The following CSMD1 variants were observed in gnomAD, a reference collection of about 807,000 sequenced individuals.
CSMD1 encodes CUB and sushi domain-containing protein 1.
In CSMD1, 213 loss-of-function variants were observed where a neutral mutation model predicts 417.5. The ratio of observed to expected loss-of-function variants is 0.51; its 90% CI spans 0.46 to 0.57. The LOEUF (loss-of-function observed/expected upper bound fraction) is 0.57, where lower values mean the gene tolerates loss of function less well. CSMD1 is among the 20% of genes least tolerant of loss of function. CSMD1 has a pLI of 0.00. For missense variants in CSMD1, 6,923 were observed against 4,529.7 expected (o/e 1.53, Z -15.17); for synonymous variants, 2,862 against 1,736.8 (o/e 1.65, Z -16.11).
At chr8:4,745,759 C>G (rs1210994799) in intron 1 of CSMD1, among the ~76,000 whole-genome samples, 1 of 152,158 alleles carries the variant, frequency 6.6e-6, no homozygotes, top group Non-Finnish European at 1.5e-5. Flanking sequence ...ATATTTAAAT[C>G]TATAGGAACA....
At chr8:4,958,936 C>A (rs1470498620) in intron 1 of CSMD1, among the ~76,000 whole-genome samples, 1 of 152,084 alleles carries the variant, frequency 6.6e-6, no homozygotes, top group African/African-American at 2.4e-5. Flanking sequence ...TAAGCAGCTG[C>A]CTTTGCTTCC....
At chr8:3,873,131 G>A (rs1805592668) in intron 5 of CSMD1, among the ~76,000 whole-genome samples, 2 of 151,996 alleles carry the variant, frequency 1.3e-5, no homozygotes, top group Non-Finnish European at 1.5e-5. Context: ...CAACTATTGA[G>A]GAAACTAGTA....
At chr8:4,121,093 T>C (rs948466174) in intron 3 of CSMD1, among the ~76,000 whole-genome samples, 3 of 151,784 alleles carry the variant, frequency 2.0e-5, no homozygotes, top group African/African-American at 7.2e-5. Context: ...ATTTTTATTT[T>C]ATTTTTTATT....
chr8:4,234,647 T>C (rs945893801), intron 3 of CSMD1, among the ~76,000 whole-genome samples: 17 of 152,184 alleles, frequency 1.1e-4, no homozygotes. Context: ...AGATTGCACC[T>C]GACGAATAGA....
intron 29 of CSMD1, among the ~76,000 whole-genome samples, chr8:3,217,531 T>C (rs1167814791): frequency 1.3e-5 from 2 of 152,128 alleles, no homozygotes; most frequent in Non-Finnish European, 2.9e-5. Context: ...CTGCATGATT[T>C]TGTTGGGGGC....
At position 2,950,218 on chromosome 8, in the gene CSMD1, C is replaced by A. The variant is rs776372320; in HGVS notation, c.10314+13G>T. ...AGCCTGTGCTTTGTCACAGACCTTA[C>A]ACATGTACTTACATAACCATCTAGT... is the stretch of plus-strand genomic sequence containing the variant. On this transcript the variant is annotated intron_variant, in intron 67 of 69. Transcript: ENST00000635120. 26 of 1,490,212 alleles carry A rather than the reference C, an allele frequency of 1.7e-5. No individual in the cohort carries two copies. Among genetic ancestry groups the A allele is most frequent in the Non-Finnish European group, 2.2e-5 (23 of 1,067,482 alleles). 92.3% of individuals were successfully genotyped at this position (1,490,212 alleles called of 1,614,324 possible). A position where few individuals can be genotyped will look rare whatever the true frequency, so the allele number is the denominator to read the frequency against.
chr8:3,869,263 C>T (rs1363674651), intron 5 of CSMD1, among the ~76,000 whole-genome samples: 2 of 152,292 alleles, frequency 1.3e-5, no homozygotes, highest in African/African-American at 4.8e-5. Context: ...TCAAGGGTCT[C>T]TTTCTCAAAT....
rs116055000 is a variant in CSMD1 at position 4,959,055 on chromosome 8, C to G, written c.85+35277G>C. On this transcript the variant is annotated intron_variant, in intron 1 of 69. Coordinates refer to ENST00000635120, the MANE Select transcript of CSMD1 (RefSeq NM_033225.6). ...AGCCATGCTATATAGTATATGTCAT[C>G]AAATGGAAGATGATTTCATCTAGAG... Among the ~76,000 whole-genome samples the G allele has an allele frequency of 2.0e-3, 308 of 152,152 alleles. 3 individuals are homozygous for G. Among genetic ancestry groups the G allele is most frequent in the African/African-American group, 7.1e-3 (294 of 41,522 alleles).
Position 3,075,943 on chromosome 8 carries a change from A to T in CSMD1, c.7474+11154T>A, listed in dbSNP as rs1017165022. 2.4e-4 allele frequency among the ~76,000 whole-genome samples: 37 copies of T among 151,222 alleles called. No individual in the cohort carries two copies. In the South Asian group the frequency reaches 4.6e-3, roughly 19 times the overall value. On this transcript the variant is annotated intron_variant, in intron 49 of 69. Coordinates refer to ENST00000635120, the MANE Select transcript of CSMD1 (RefSeq NM_033225.6). ...GCGGGCGCCTGTAGTCCCAGCTCCTAGGGACGCTGAGGCAGGAGAATGGCA... is the reference window on the plus strand; with the variant it reads ...GCGGGCGCCTGTAGTCCCAGCTCCTTGGGACGCTGAGGCAGGAGAATGGCA...
At chr8:3,321,584 G>T (rs879145061) in intron 23 of CSMD1, among the ~76,000 whole-genome samples, 1 of 152,152 alleles carries the variant, frequency 6.6e-6, no homozygotes, top group Non-Finnish European at 1.5e-5. Context: ...GTAGCCCAGA[G>T]AACATGCATT....
At chr8:4,464,932 A>G (rs9314531) in intron 2 of CSMD1, among the ~76,000 whole-genome samples, 49,970 of 152,034 alleles carry the variant, frequency 0.33, 8,745 homozygotes, top group Middle Eastern at 0.43. Context: ...GCACGAAGCC[A>G]TATTCAAACC....
chr8:3,189,065 T>G (rs1166025749), intron 34 of CSMD1, 54 bp from the exon 35 acceptor site: 1 of 1,525,834 alleles, frequency 6.6e-7, no homozygotes, highest in East Asian at 2.3e-5. Flanking sequence ...CAGTGTTGAT[T>G]TGGCATGCAG....
intron 5 of CSMD1, among the ~76,000 whole-genome samples, chr8:3,813,512 G>A (rs144889504): frequency 1.1e-3 from 170 of 152,232 alleles, no homozygotes; most frequent in Admixed American, 0.011. Flanking sequence ...GGGCTGGCGT[G>A]AATATGAAGA....
chr8:4,772,498 T>C (rs1796652031), intron 1 of CSMD1, among the ~76,000 whole-genome samples: 1 of 152,176 alleles, frequency 6.6e-6, no homozygotes, highest in African/African-American at 2.4e-5. Context: ...TAATATAACA[T>C]TCACAGGATC....
At position 4,519,975 on chromosome 8, in the gene CSMD1, A is replaced by G. The variant is rs148300005; in HGVS notation, c.303-99910T>C. On this transcript the variant is annotated intron_variant, in intron 2 of 69. Coordinates refer to ENST00000635120, the MANE Select transcript of CSMD1 (RefSeq NM_033225.6). ...TGTGTGTGGTGTGTATACATTTTTC[A>G]TTCAACCAAAGGTTATCAGAGAAAT... is the stretch of plus-strand genomic sequence containing the variant. Among the ~76,000 whole-genome samples the G allele has an allele frequency of 1.5e-3, 229 of 150,116 alleles. 1 individual carries two copies. Among genetic ancestry groups the G allele is most frequent in the African/African-American group, 5.4e-3 (222 of 40,996 alleles).
At chr8:4,737,959 G>A (rs187189478) in intron 1 of CSMD1, among the ~76,000 whole-genome samples, 1 of 152,166 alleles carries the variant, frequency 6.6e-6, no homozygotes, top group Non-Finnish European at 1.5e-5. Flanking sequence ...TTAATTTTCA[G>A]GTAACAGCCT....
At chr8:3,873,107 A>T (rs1443853452) in intron 5 of CSMD1, among the ~76,000 whole-genome samples, 1 of 152,158 alleles carries the variant, frequency 6.6e-6, no homozygotes, top group Non-Finnish European at 1.5e-5. Flanking sequence ...TCTTGGTGGG[A>T]GTGTAAATTA....
At chr8:4,142,842 G>C (rs1233458756) in intron 3 of CSMD1, among the ~76,000 whole-genome samples, 1 of 151,120 alleles carries the variant, frequency 6.6e-6, no homozygotes, top group Admixed American at 6.6e-5. Context: ...TTCTTAAATT[G>C]TTGTGCTGTT....
chr8:3,517,309 GCA>G (rs746032616), intron 10 of CSMD1, among the ~76,000 whole-genome samples: 7 of 152,194 alleles, frequency 4.6e-5, no homozygotes, highest in Non-Finnish European at 8.8e-5. Flanking sequence ...AAGAGGGCTG[GCA>G]GAGAACAGGC....
Sources: gnomAD v4.1 joint callset for allele counts (sites outside exome capture counted in the v4.1 genomes callset) on GRCh38, gnomAD v4.1.1 for gene constraint, MANE v1.5 for transcripts, NCBI Gene and HGNC (gene_info 2026-07-23, HGNC 2026-07-21) for gene names.